FAF1: variants seen among roughly 807,000 people sequenced by gnomAD.
FAF1 encodes FAS-associated factor 1.
A neutral mutation model predicts 92.5 loss-of-function variants in FAF1; 25 were observed. That is an observed-to-expected ratio of 0.27 (90% CI 0.20 to 0.38). The LOEUF (loss-of-function observed/expected upper bound fraction) is 0.38. FAF1 is among the 10% of genes least tolerant of loss of function. FAF1 has a pLI of 1.00. For missense variants in FAF1, 636 were observed against 793.3 expected (o/e 0.80, Z 2.38); for synonymous variants, 234 against 273.2 (o/e 0.86, Z 1.42).
At chr1:50,707,787 T>G (rs1295888017) in intron 6 of FAF1, among the ~76,000 whole-genome samples, 1 of 152,180 alleles carries the variant, frequency 6.6e-6, no homozygotes, top group Non-Finnish European at 1.5e-5. Context: ...AGATATTTAT[T>G]GCATAATGAA....
intron 5 of FAF1, among the ~76,000 whole-genome samples, chr1:50,739,976 C>A (rs963840568): frequency 6.6e-6 from 1 of 151,936 alleles, no homozygotes; most frequent in African/African-American, 2.4e-5. Context: ...AACCAATACA[C>A]ATTAAGAAAT....
intron 18 of FAF1, chr1:50,470,609 T>C (rs1164652842): frequency 6.6e-6 from 1 of 152,078 alleles, no homozygotes; most frequent in African/African-American, 2.4e-5. Flanking sequence ...CTACCTCTTC[T>C]GCTTCTCTCT....
intron 18 of FAF1, among the ~76,000 whole-genome samples, chr1:50,459,814 C>G (rs1455670934): frequency 1.3e-5 from 2 of 152,146 alleles, no homozygotes; most frequent in East Asian, 3.9e-4. Context: ...ATCAAAAGAC[C>G]TAGGTGAAGC....
chr1:50,698,203 A>G (rs1325762365), intron 7 of FAF1, among the ~76,000 whole-genome samples: 1 of 152,034 alleles, frequency 6.6e-6, no homozygotes, highest in East Asian at 1.9e-4. Flanking sequence ...GAGGTTGGTT[A>G]CTATTTCTTA....
chr1:50,555,396 C>G (rs560229393), intron 13 of FAF1, among the ~76,000 whole-genome samples: 23 of 152,130 alleles, frequency 1.5e-4, no homozygotes, highest in Admixed American at 1.2e-3. Context: ...CTACAAGGAA[C>G]TCAAACAAAT....
intron 7 of FAF1, among the ~76,000 whole-genome samples, chr1:50,675,599 T>C (rs1656083540): frequency 6.6e-6 from 1 of 152,204 alleles, no homozygotes; most frequent in African/African-American, 2.4e-5. Flanking sequence ...TTATTTTAAA[T>C]GTGAAACCTC....
intron 8 of FAF1, among the ~76,000 whole-genome samples, chr1:50,615,897 T>C (rs1299716094): frequency 6.6e-6 from 1 of 152,162 alleles, no homozygotes; most frequent in Non-Finnish European, 1.5e-5. Context: ...GTTGCAACTG[T>C]TTTTGGGGAC....
At position 50,583,705 on chromosome 1, in the gene FAF1, G is replaced by T; in HGVS notation, c.978C>A (p.Asn326Lys). The T allele has an allele frequency of 6.4e-7, 1 of 1,562,898 alleles. No individual in the cohort carries two copies. The highest frequency in any genetic ancestry group is 8.7e-7 in the Non-Finnish European group (1 of 1,151,070). The change falls in exon 11 of 19, where the codon AAC (asparagine) becomes AAA (lysine). Residue 326 changes from asparagine (N) to lysine (K), a missense_variant. Asn to Lys is a moderately conservative substitution (Grantham distance 94, BLOSUM62 0). Around this residue, in one of 2 missense-constraint regions of FAF1, gnomAD observed 319 missense variants for 451.0 expected, o/e 0.71. Transcript: ENST00000396153. The surrounding 1 kb of genome is among the most constrained non-coding windows in gnomAD (Gnocchi z 4.2). ...ATAAGGCATCTCCTTCATTTTCTGC[G>T]TTTTCTGGCACTAAAAAACAAACAA... is the stretch of plus-strand genomic sequence containing the variant. ...ALRKSPMMPE[N>K]AENEGDALLQ...
chr1:50,765,440 C>T (rs1168637911), intron 4 of FAF1, among the ~76,000 whole-genome samples: 2 of 152,050 alleles, frequency 1.3e-5, no homozygotes, highest in Non-Finnish European at 2.9e-5. Context: ...TTCATAATTT[C>T]TAGAAGGCAA....
chr1:50,443,884 T>C (rs1646198196), intron 18 of FAF1, among the ~76,000 whole-genome samples: 2 of 152,100 alleles, frequency 1.3e-5, no homozygotes, highest in African/African-American at 4.8e-5. Context: ...TTCTTGTTTC[T>C]TCCCCACGGC....
Position 50,520,948 on chromosome 1 carries a change from C to T in FAF1, c.1494+14421G>A, listed in dbSNP as rs375104491. ...ATATAACAAATCTTTGCTAGGGATACTTTTTGTAAGGATATGCTTTGGTTC... is the reference window on the plus strand; with the variant it reads ...ATATAACAAATCTTTGCTAGGGATATTTTTTGTAAGGATATGCTTTGGTTC... On this transcript the variant is annotated intron_variant, in intron 15 of 18. Coordinates refer to ENST00000396153, the MANE Select transcript of FAF1 (RefSeq NM_007051.3). Among the ~76,000 whole-genome samples, 29 of 152,248 alleles carry T rather than the reference C, an allele frequency of 1.9e-4. No individual in the cohort carries two copies. The South Asian group carries it at 4.8e-3, about 25-fold the overall frequency.
chr1:50,635,405 A>G (rs907864970), intron 8 of FAF1, among the ~76,000 whole-genome samples: 1 of 151,988 alleles, frequency 6.6e-6, no homozygotes, highest in Non-Finnish European at 1.5e-5. Context: ...ACACTGTCCT[A>G]CTCCAGAGTA....
At chr1:50,720,284 C>T (rs865879388) in intron 6 of FAF1, among the ~76,000 whole-genome samples, 14 of 151,928 alleles carry the variant, frequency 9.2e-5, no homozygotes, top group African/African-American at 3.4e-4. Context: ...TTTAAGTGGC[C>T]CCTTATTAAA....
chr1:50,779,868 A>T (rs1347204243), intron 4 of FAF1, among the ~76,000 whole-genome samples: 1 of 152,020 alleles, frequency 6.6e-6, no homozygotes, highest in African/African-American at 2.4e-5. Flanking sequence ...GGATCACTTG[A>T]ACCAGGGAAT....
chr1:50,798,186 A>G (rs1219183507), intron 3 of FAF1, among the ~76,000 whole-genome samples: 1 of 152,164 alleles, frequency 6.6e-6, no homozygotes, highest in Non-Finnish European at 1.5e-5. Flanking sequence ...TATAATGGCT[A>G]TTTTTTAAGT....
At chr1:50,459,088 C>T (rs191212530) in intron 18 of FAF1, among the ~76,000 whole-genome samples, 7 of 151,814 alleles carry the variant, frequency 4.6e-5, no homozygotes, top group South Asian at 4.2e-4. Context: ...CCTCCTGTTT[C>T]GGCCTCCTGA....
At chr1:50,928,863 A>C (rs1162766606) in intron 1 of FAF1, among the ~76,000 whole-genome samples, 1 of 151,416 alleles carries the variant, frequency 6.6e-6, no homozygotes, top group Non-Finnish European at 1.5e-5. Flanking sequence ...TTGGGAGGCT[A>C]AGCTGAGCTC....
chr1:50,437,071 C>CTTTG lies in FAF1; in HGVS notation c.*4368_*4369insCAAA, dbSNP rs1646135127. ...TATTAATATTTTCTTTCAGACCAAA[C>CTTTG]TTTCAAAATGCAACAGTGAGGAGCT... is the stretch of plus-strand genomic sequence containing the variant. On this transcript the variant is annotated 3_prime_UTR_variant, in exon 19 of 19. Transcript: ENST00000396153. 1.3e-5 allele frequency: 2 copies of CTTTG among 152,324 alleles called. No homozygotes were observed. The highest frequency in any genetic ancestry group is 3.4e-3 in the Middle Eastern group (1 of 294). 9.4% of individuals were successfully genotyped at this position (152,324 alleles called of 1,614,324 possible). A position where few individuals can be genotyped will look rare whatever the true frequency, so the allele number is the denominator to read the frequency against.
At chr1:50,779,576 A>T (rs997486636) in intron 4 of FAF1, among the ~76,000 whole-genome samples, 5 of 151,564 alleles carry the variant, frequency 3.3e-5, no homozygotes, top group Non-Finnish European at 7.4e-5. Context: ...AGATAAATAT[A>T]GAAAATTATA....
Sources: gnomAD v4.1 joint callset for allele counts (sites outside exome capture counted in the v4.1 genomes callset) on GRCh38, gnomAD v4.1.1 for gene constraint, gnomAD v4.1.1 regional missense constraint, Gnocchi (gnomAD v3.1) non-coding constraint, MANE v1.5 for transcripts, NCBI Gene and HGNC (gene_info 2026-07-23, HGNC 2026-07-21) for gene names.